Variants in TIAM1 observed in about 807,000 individuals in gnomAD.
TIAM1 encodes the protein TIAM Rac1 associated GEF 1.
TIAM1 carries 65 observed loss-of-function variants against 163.5 expected under a neutral mutation model. The ratio of observed to expected loss-of-function variants is 0.40; its 90% CI spans 0.33 to 0.49. TIAM1 has a LOEUF of 0.49. Ranked by LOEUF, TIAM1 falls within the 20% of genes least tolerant of loss-of-function variation. TIAM1 has a pLI of 0.77. For missense variants in TIAM1, 1,789 were observed against 2,044.7 expected (o/e 0.87, Z 2.41); for synonymous variants, 833 against 810.1 (o/e 1.03, Z -0.48).
chr21:31,205,277 G>A (rs1194356248), intron 11 of TIAM1, among the ~76,000 whole-genome samples: 4 of 152,272 alleles, frequency 2.6e-5, no homozygotes, highest in Middle Eastern at 3.4e-3. Context: ...ATCTGTTTCC[G>A]ACTGAGGCGG....
At chr21:31,330,372 G>A (rs1172469638) in intron 2 of TIAM1, among the ~76,000 whole-genome samples, 1 of 152,166 alleles carries the variant, frequency 6.6e-6, no homozygotes, top group African/African-American at 2.4e-5. Flanking sequence ...CAATAAACCT[G>A]CCATAAACAT....
chr21:31,485,840 C>T (rs1226523920), intron 1 of TIAM1, among the ~76,000 whole-genome samples: 1 of 152,176 alleles, frequency 6.6e-6, no homozygotes, highest in Non-Finnish European at 1.5e-5. Flanking sequence ...GTAGGTGCTA[C>T]TAACATTCCT....
intron 1 of TIAM1, among the ~76,000 whole-genome samples, chr21:31,477,120 G>A (rs1055387828): frequency 6.6e-6 from 1 of 152,152 alleles, no homozygotes; most frequent in Admixed American, 6.6e-5. Flanking sequence ...ATCTTAGGTT[G>A]AACTGGGGGA....
At chr21:31,424,387 T>C (rs2043707064) in intron 2 of TIAM1, among the ~76,000 whole-genome samples, 1 of 152,184 alleles carries the variant, frequency 6.6e-6, no homozygotes, top group South Asian at 2.1e-4. Flanking sequence ...GTGGATGCCA[T>C]CCAAGTACCC....
chr21:31,254,196 G>A (rs1601715393), intron 4 of TIAM1, among the ~76,000 whole-genome samples: 2 of 152,222 alleles, frequency 1.3e-5, no homozygotes, highest in African/African-American at 4.8e-5. Context: ...AATGATCCCA[G>A]GCATCTTGTA....
At chr21:31,129,355 C>T (rs1391608917) in intron 25 of TIAM1, among the ~76,000 whole-genome samples, 1 of 152,208 alleles carries the variant, frequency 6.6e-6, no homozygotes, top group Admixed American at 6.5e-5. Context: ...CAACAACTCA[C>T]TTCACTGCTA....
Position 31,202,869 on chromosome 21 carries a change from C to T in TIAM1, c.2493+39G>A, listed in dbSNP as rs1351373668. Reference sequence around the variant, plus strand: ...AGAACACTCATAATTTGAAGATAATCTCCCATAAAGTGTGCTTGGACAACA... The same window carrying T: ...AGAACACTCATAATTTGAAGATAATTTCCCATAAAGTGTGCTTGGACAACA... On this transcript the variant is annotated intron_variant, in intron 12 of 27. Transcript: ENST00000541036. 7 of 1,541,050 alleles carry T rather than the reference C, an allele frequency of 4.5e-6. No individual in the cohort carries two copies. In the African/African-American group the frequency reaches 5.5e-5, roughly 12 times the overall value.
At chr21:31,426,991 T>A (rs1306710511) in intron 2 of TIAM1, among the ~76,000 whole-genome samples, 1 of 152,130 alleles carries the variant, frequency 6.6e-6, no homozygotes, top group Non-Finnish European at 1.5e-5. Flanking sequence ...CACAATCATA[T>A]CTCATTGCAG....
At chr21:31,327,643 C>CAAAAAA (rs373702154) in intron 2 of TIAM1, among the ~76,000 whole-genome samples, 704 of 69,430 alleles carry the variant, frequency 0.01, 18 homozygotes, top group Middle Eastern at 0.013. Context: ...GCCGCCATCT[C>CAAAAAA]AAAAAAAAAA....
intron 1 of TIAM1, among the ~76,000 whole-genome samples, chr21:31,510,675 G>A (rs1270058409): frequency 1.3e-5 from 2 of 152,054 alleles, no homozygotes; most frequent in African/African-American, 4.8e-5. Context: ...TTAGCCGGGC[G>A]TGGTGACAAG....
In TIAM1 at chr21:31,202,952, T is replaced by C. The variant is rs1210937640; in HGVS notation, c.2449A>G (p.Met817Val). 1.2e-6 allele frequency: 2 copies of C among 1,614,056 alleles called. No homozygotes were observed. Among genetic ancestry groups the C allele is most frequent in the African/African-American group, 2.7e-5 (2 of 74,934 alleles). The change falls in exon 12 of 28, where the codon ATG becomes GTG. Residue 817 changes from methionine to valine, a missense_variant. Met to Val is a conservative substitution (Grantham distance 21). Around this residue, in one of 5 missense-constraint regions of TIAM1, gnomAD observed 456 missense variants for 586.6 expected, o/e 0.78. Coordinates refer to ENST00000541036, the MANE Select transcript of TIAM1 (RefSeq NM_001353694.2). ...TCGGGCTGTGGAACATAGAGCTGCA[T>C]TTTGTTTTCTATTAGAAATTTCAGG... ...LRLKFLIENK[M>V]QLYVPQPEED...
chr21:31,144,117 G>C (rs192878490), intron 20 of TIAM1, among the ~76,000 whole-genome samples: 129 of 152,302 alleles, frequency 8.5e-4, no homozygotes, highest in African/African-American at 2.8e-3. Context: ...GCCCCATTAA[G>C]AGAACAGACT....
At chr21:31,355,406 T>C (rs1030054788) in intron 2 of TIAM1, among the ~76,000 whole-genome samples, 1 of 152,124 alleles carries the variant, frequency 6.6e-6, no homozygotes, top group South Asian at 2.1e-4. Context: ...CTTGAGGTCT[T>C]TGTTCAACAT....
chr21:31,124,701 AAAG>A lies in TIAM1; in HGVS notation c.4134-10_4134-8del. 2.6e-6 allele frequency: 4 copies of A among 1,558,970 alleles called. No homozygotes were observed. Among genetic ancestry groups the A allele is most frequent in the Non-Finnish European group, 3.5e-6 (4 of 1,152,628 alleles). Reference sequence around the variant, plus strand: ...CTTTCGGCTCTCTGGGGAGCTAGGAAAAGAAGATTTACAGATGTTAGAGAATCA... The same window carrying A: ...CTTTCGGCTCTCTGGGGAGCTAGGAAAAGATTTACAGATGTTAGAGAATCA... On this transcript the variant is annotated splice_region_variant and splice_polypyrimidine_tract_variant and intron_variant, in intron 26 of 27. Transcript: ENST00000541036.
At chr21:31,212,453 C>T (rs762016698) in intron 10 of TIAM1, among the ~76,000 whole-genome samples, 1 of 152,050 alleles carries the variant, frequency 6.6e-6, no homozygotes, top group Non-Finnish European at 1.5e-5. Flanking sequence ...AGTATCACTA[C>T]TAGGGTCTTG....
intron 2 of TIAM1, among the ~76,000 whole-genome samples, chr21:31,411,962 A>G (rs1159502639): frequency 6.7e-6 from 1 of 148,416 alleles, no homozygotes; most frequent in Non-Finnish European, 1.5e-5. Context: ...AGAAATCGTT[A>G]TATCAGAAAG....
chr21:31,131,386 A>C (rs1229477822), intron 23 of TIAM1, among the ~76,000 whole-genome samples: 7 of 152,266 alleles, frequency 4.6e-5, no homozygotes, highest in Non-Finnish European at 8.8e-5. Context: ...AGACAGTGAT[A>C]ATTTAGGAAA....
intron 1 of TIAM1, among the ~76,000 whole-genome samples, chr21:31,493,974 G>A (rs1055615340): frequency 1.3e-5 from 2 of 152,152 alleles, no homozygotes; most frequent in Non-Finnish European, 2.9e-5. Context: ...GAGTACAGTG[G>A]CGCAATCTCA....
chr21:31,334,726 C>G (rs149684216), intron 2 of TIAM1, among the ~76,000 whole-genome samples: 52 of 152,266 alleles, frequency 3.4e-4, no homozygotes, highest in African/African-American at 1.2e-3. Flanking sequence ...AGCATCAGTT[C>G]GGAGCAGAGA....
Sources: allele counts gnomAD v4.1 joint callset (sites outside exome capture counted in the v4.1 genomes callset), GRCh38; gene constraint gnomAD v4.1.1; regional missense constraint gnomAD v4.1.1; transcripts MANE v1.5; gene names NCBI Gene and HGNC (gene_info 2026-07-23, HGNC 2026-07-21).